The following ADAMTS19 variants were observed in gnomAD, a reference collection of about 807,000 sequenced individuals.
ADAMTS19 encodes ADAM metallopeptidase with thrombospondin type 1 motif 19, also known as A disintegrin and metalloproteinase with thrombospondin motifs 19.
Under a neutral mutation model 153.3 loss-of-function variants are expected in ADAMTS19, and 93 were observed. The observed-to-expected ratio is 0.61, with a 90% CI of 0.51 to 0.72. ADAMTS19 has a LOEUF of 0.72. Among genes scored for constraint, ADAMTS19 ranks in the 30% least tolerant of loss-of-function variants. The pLI is 0.00. For synonymous variants in ADAMTS19, 600 were observed against 556.6 expected (o/e 1.08, Z -1.10); for missense variants, 1,482 against 1,552.1 (o/e 0.95, Z 0.76).
At chr5:129,725,455 A>G (rs1757168756) in intron 21 of ADAMTS19, among the ~76,000 whole-genome samples, 1 of 151,932 alleles carries the variant, frequency 6.6e-6, no homozygotes, top group African/African-American at 2.4e-5. Context: ...TTACTAGTCT[A>G]ATATTCCTAG....
chr5:129,734,818 C>A, intron 21 of ADAMTS19, 114 bp from the exon 22 acceptor site: 2 of 922,370 alleles, frequency 2.2e-6, no homozygotes, highest in Non-Finnish European at 3.1e-6. Flanking sequence ...GTGGATGTTG[C>A]AGCTCATATT....
At chr5:129,606,362 T>C (rs937095198) in intron 8 of ADAMTS19, among the ~76,000 whole-genome samples, 1 of 152,230 alleles carries the variant, frequency 6.6e-6, no homozygotes, top group Non-Finnish European at 1.5e-5. Context: ...AGTTGAGACA[T>C]CTGAGCCATC....
At chr5:129,570,930 A>G (rs1228226425) in intron 7 of ADAMTS19, among the ~76,000 whole-genome samples, 2 of 151,940 alleles carry the variant, frequency 1.3e-5, no homozygotes, top group Non-Finnish European at 2.9e-5. Flanking sequence ...TTAACCTGAT[A>G]ACAAGCATCT....
intron 2 of ADAMTS19, among the ~76,000 whole-genome samples, chr5:129,506,325 C>T (rs112742993): frequency 1.2e-3 from 190 of 152,242 alleles, no homozygotes; most frequent in African/African-American, 3.9e-3. Context: ...AGTTGGAACA[C>T]AGTGGTCAGA....
At chr5:129,578,591 C>A (rs915775632) in intron 7 of ADAMTS19, among the ~76,000 whole-genome samples, 1 of 151,906 alleles carries the variant, frequency 6.6e-6, no homozygotes, top group African/African-American at 2.4e-5. Flanking sequence ...GCTATCCCTC[C>A]CTTAACCCCC....
intron 7 of ADAMTS19, among the ~76,000 whole-genome samples, chr5:129,595,490 T>C (rs907308078): frequency 1.3e-5 from 2 of 152,116 alleles, no homozygotes; most frequent in African/African-American, 2.4e-5. Context: ...GTTTTGTTTC[T>C]GGAGACAGAA....
chr5:129,635,108 AG>A (rs1752478486), intron 10 of ADAMTS19, among the ~76,000 whole-genome samples: 1 of 152,188 alleles, frequency 6.6e-6, no homozygotes, highest in African/African-American at 2.4e-5. Context: ...AGGTGGGCAA[AG>A]GACGTTAACA....
chr5:129,707,176 G>T (rs961696785), intron 21 of ADAMTS19, among the ~76,000 whole-genome samples: 3 of 152,140 alleles, frequency 2.0e-5, no homozygotes, highest in Non-Finnish European at 4.4e-5. Context: ...GCATATGTGG[G>T]TTCTGCAGGA....
intron 2 of ADAMTS19, among the ~76,000 whole-genome samples, chr5:129,475,580 C>A (rs1359761355): frequency 6.6e-6 from 1 of 152,142 alleles, no homozygotes; most frequent in African/African-American, 2.4e-5. Context: ...TGCCTGTAAT[C>A]CCAGCACTTT....
At chr5:129,728,100 A>G (rs888831713) in intron 21 of ADAMTS19, among the ~76,000 whole-genome samples, 1 of 152,152 alleles carries the variant, frequency 6.6e-6, no homozygotes. Flanking sequence ...CTAATTATAC[A>G]TTATGCATTA....
At chr5:129,617,912 C>A (rs918822508) in intron 8 of ADAMTS19, among the ~76,000 whole-genome samples, 2 of 151,934 alleles carry the variant, frequency 1.3e-5, no homozygotes, top group East Asian at 3.9e-4. Context: ...AAATTAGAAT[C>A]ATATAATAAA....
intron 18 of ADAMTS19, among the ~76,000 whole-genome samples, chr5:129,685,375 A>G (rs1755035863): frequency 6.6e-6 from 1 of 151,158 alleles, no homozygotes; most frequent in Non-Finnish European, 1.5e-5. Flanking sequence ...ACATAGCAGG[A>G]AAAAAAAACA....
intron 13 of ADAMTS19, among the ~76,000 whole-genome samples, chr5:129,652,740 T>G (rs922568462): frequency 6.6e-6 from 1 of 152,240 alleles, no homozygotes; most frequent in African/African-American, 2.4e-5. Flanking sequence ...TGGAATTTTC[T>G]AGGAGACTAA....
intron 6 of ADAMTS19, among the ~76,000 whole-genome samples, chr5:129,531,369 A>T (rs1752196942): frequency 6.6e-6 from 1 of 152,116 alleles, no homozygotes; most frequent in South Asian, 2.1e-4. Flanking sequence ...TCACACCTGT[A>T]ATCCCAGCAC....
At chr5:129,595,394 A>T (rs1750326086) in intron 7 of ADAMTS19, among the ~76,000 whole-genome samples, 1 of 152,062 alleles carries the variant, frequency 6.6e-6, no homozygotes. Flanking sequence ...TACTTCCCTG[A>T]ATCTTCTAAC....
intron 7 of ADAMTS19, among the ~76,000 whole-genome samples, chr5:129,564,362 C>A (rs1480228195): frequency 6.6e-6 from 1 of 151,974 alleles, no homozygotes; most frequent in East Asian, 1.9e-4. Flanking sequence ...TGCTACGAAG[C>A]AATAGAAAAC....
At chr5:129,627,143 T>G (rs1050157738) in intron 10 of ADAMTS19, among the ~76,000 whole-genome samples, 3 of 151,970 alleles carry the variant, frequency 2.0e-5, no homozygotes, top group African/African-American at 7.2e-5. Context: ...AAGTATAAGA[T>G]ATTGGGGACA....
chr5:129,516,485 A>C (rs1360889219), intron 3 of ADAMTS19, among the ~76,000 whole-genome samples: 1 of 151,482 alleles, frequency 6.6e-6, no homozygotes, highest in Non-Finnish European at 1.5e-5. Context: ...GTTACTTGCT[A>C]TCTGTTCAGA....
intron 21 of ADAMTS19, among the ~76,000 whole-genome samples, chr5:129,726,058 G>A (rs577277466): frequency 8.5e-5 from 13 of 152,094 alleles, no homozygotes; most frequent in East Asian, 1.9e-4. Flanking sequence ...GTTTGTCTAC[G>A]TCAAAAACTT....
Sources: gnomAD v4.1 joint callset for allele counts (sites outside exome capture counted in the v4.1 genomes callset) on GRCh38, gnomAD v4.1.1 for gene constraint, MANE v1.5 for transcripts, NCBI Gene and HGNC (gene_info 2026-07-23, HGNC 2026-07-21) for gene names.